The following PDE1C variants were observed in gnomAD, a reference collection of about 807,000 sequenced individuals.
The protein encoded by PDE1C is phosphodiesterase 1C.
PDE1C carries 62 observed loss-of-function variants against 93.1 expected under a neutral mutation model. The ratio of observed to expected loss-of-function variants is 0.67; its 90% CI spans 0.54 to 0.82. PDE1C has a LOEUF of 0.82. Among genes scored for constraint, PDE1C ranks in the 40% least tolerant of loss-of-function variants. The pLI is 0.00. For missense variants in PDE1C, 742 were observed against 884.6 expected, an observed-to-expected ratio of 0.84 and a Z score of 2.04; for synonymous variants, 325 against 310.1, an observed-to-expected ratio of 1.05 and a Z score of -0.50.
chr7:32,360,054 C>T (rs894771987), intron 1 of PDE1C, among the ~76,000 whole-genome samples: 2 of 152,174 alleles, frequency 1.3e-5, no homozygotes, highest in African/African-American at 4.8e-5. Context: ...ACGATATCTT[C>T]CCTGACTCTG....
chr7:32,198,521 C>T (rs1199332246), intron 2 of PDE1C, among the ~76,000 whole-genome samples: 1 of 152,168 alleles, frequency 6.6e-6, no homozygotes, highest in African/African-American at 2.4e-5. Context: ...CTCTGTTTCA[C>T]AAAATCTTTA....
At chr7:31,717,771 G>A in the PDE1C span, among the ~76,000 whole-genome samples, 12 of 152,198 alleles carry the variant, frequency 7.9e-5, no homozygotes, top group Admixed American at 2.6e-4. Flanking sequence ...ACAGAGACAG[G>A]CCCTTAAAGG....
At chr7:31,696,996 C>A in the PDE1C span, 1 of 1,613,916 alleles carries the variant, frequency 6.2e-7, no homozygotes. Context: ...TTAAAAGATA[C>A]GATGTTCAAG....
chr7:32,149,389 G>T (rs1183010025), intron 3 of PDE1C, among the ~76,000 whole-genome samples: 1 of 152,174 alleles, frequency 6.6e-6, no homozygotes, highest in African/African-American at 2.4e-5. Flanking sequence ...GAACACCTCT[G>T]ATCTCAGACC....
At chr7:31,963,336 G>T (rs1240986531) in intron 2 of PDE1C, among the ~76,000 whole-genome samples, 1 of 152,094 alleles carries the variant, frequency 6.6e-6, no homozygotes, top group Non-Finnish European at 1.5e-5. Flanking sequence ...ATATCTGCTT[G>T]TTTGTTTATA....
At chr7:31,947,070 C>A (rs1806720359) in intron 2 of PDE1C, among the ~76,000 whole-genome samples, 1 of 152,168 alleles carries the variant, frequency 6.6e-6, no homozygotes, top group South Asian at 2.1e-4. Context: ...CACTTCTTGA[C>A]TTTGGGCTTC....
At chr7:31,659,190 G>C in the PDE1C span, among the ~76,000 whole-genome samples, 1 of 152,062 alleles carries the variant, frequency 6.6e-6, no homozygotes, top group African/African-American at 2.4e-5. Flanking sequence ...TTCTACTTTG[G>C]ATCATTTATA....
At chr7:31,628,217 A>C in the PDE1C span, among the ~76,000 whole-genome samples, 4 of 152,144 alleles carry the variant, frequency 2.6e-5, no homozygotes, top group African/African-American at 7.2e-5. Flanking sequence ...TCTGCCCTTC[A>C]ATCTCCTACT....
At chr7:31,702,172 G>A in the PDE1C span, among the ~76,000 whole-genome samples, 1 of 151,464 alleles carries the variant, frequency 6.6e-6, no homozygotes, top group African/African-American at 2.4e-5. Context: ...CCTTAGAATT[G>A]TGATATGGCT....
chr7:32,346,576 C>T (rs1212282071), intron 1 of PDE1C, among the ~76,000 whole-genome samples: 1 of 152,176 alleles, frequency 6.6e-6, no homozygotes, highest in Non-Finnish European at 1.5e-5. Flanking sequence ...AAAAAGCAAA[C>T]AAGTAACACC....
the PDE1C span, among the ~76,000 whole-genome samples, chr7:31,700,091 A>G: frequency 5.3e-5 from 8 of 152,314 alleles, no homozygotes; most frequent in Non-Finnish European, 1.2e-4. Context: ...CTTTAAATCA[A>G]AAGCTAGAAA....
At chr7:31,699,424 G>A in the PDE1C span, among the ~76,000 whole-genome samples, 5 of 152,184 alleles carry the variant, frequency 3.3e-5, no homozygotes, top group Admixed American at 1.3e-4. Flanking sequence ...TTCTTTCAGA[G>A]CAGTTTTAAT....
At chr7:31,896,026 C>T (rs1362412129) in intron 2 of PDE1C, among the ~76,000 whole-genome samples, 2 of 151,960 alleles carry the variant, frequency 1.3e-5, no homozygotes, top group Non-Finnish European at 1.5e-5. Context: ...TACATACACA[C>T]ACAAACACAC....
At chr7:31,925,197 C>T (rs1009158661) in intron 2 of PDE1C, among the ~76,000 whole-genome samples, 1 of 151,988 alleles carries the variant, frequency 6.6e-6, no homozygotes, top group Non-Finnish European at 1.5e-5. Context: ...GTTAAGTGGA[C>T]TCCAAAGGAT....
Position 31,896,024 on chromosome 7 carries a change from C to CAT in PDE1C, c.129-15165_129-15164insAT, listed in dbSNP as rs1240320596. 1.2e-4 allele frequency among the ~76,000 whole-genome samples: 4 copies of CAT among 33,448 alleles called. 1 individual carries two copies. Among genetic ancestry groups the CAT allele is most frequent in the Non-Finnish European group, 1.8e-4 (2 of 10,824 alleles). 21.9% of individuals were successfully genotyped at this position (33,448 alleles called of 152,430 possible). A position where few individuals can be genotyped will look rare whatever the true frequency, so the allele number is the denominator to read the frequency against. On this transcript the variant is annotated intron_variant, in intron 2 of 17. Transcript: ENST00000396191. Reference sequence around the variant, plus strand: ...ATACATACATACATACATACATACACACACAAACACACACACAAACTGCCC... The same window carrying CAT: ...ATACATACATACATACATACATACACATACACAAACACACACACAAACTGCCC...
chr7:31,756,463 A>G (rs1343678407), intron 17 of PDE1C, among the ~76,000 whole-genome samples: 1 of 152,200 alleles, frequency 6.6e-6, no homozygotes, highest in Non-Finnish European at 1.5e-5. Flanking sequence ...GAACTGTCAC[A>G]TCCAAGAAAA....
chr7:31,951,482 A>C (rs1807372317), intron 2 of PDE1C, among the ~76,000 whole-genome samples: 1 of 152,248 alleles, frequency 6.6e-6, no homozygotes, highest in East Asian at 1.9e-4. Context: ...TGCTGTCAGC[A>C]GTTCTTGGTA....
intron 11 of PDE1C, among the ~76,000 whole-genome samples, chr7:31,831,025 A>G (rs982516566): frequency 6.6e-5 from 10 of 152,338 alleles, no homozygotes; most frequent in African/African-American, 2.4e-4. Flanking sequence ...TTGGAAGTTC[A>G]CAGAGAAGAT....
intron 1 of PDE1C, among the ~76,000 whole-genome samples, chr7:32,223,150 T>C (rs1806998359): frequency 1.3e-5 from 2 of 152,216 alleles, no homozygotes; most frequent in African/African-American, 4.8e-5. Context: ...AATCCCTTCC[T>C]GTCCAGAGTT....
Sources: gnomAD v4.1 joint callset for allele counts (sites outside exome capture counted in the v4.1 genomes callset) on GRCh38, gnomAD v4.1.1 for gene constraint, MANE v1.5 for transcripts, NCBI Gene and HGNC (gene_info 2026-07-23, HGNC 2026-07-21) for gene names.